The following UHRF2 variants were observed in gnomAD, a reference collection of about 807,000 sequenced individuals.
UHRF2 encodes E3 ubiquitin-protein ligase UHRF2.
In UHRF2, 23 loss-of-function variants were observed where a neutral mutation model predicts 96.8. The observed-to-expected ratio is 0.24, with a 90% confidence interval of 0.17 to 0.34. The LOEUF (loss-of-function observed/expected upper bound fraction) is 0.34. Among genes scored for constraint, UHRF2 ranks in the 10% least tolerant of loss-of-function variants. The pLI, the probability that UHRF2 is intolerant of heterozygous loss-of-function variation, is 1.00. For missense variants in UHRF2, 685 were observed against 981.5 expected, an observed-to-expected ratio of 0.70 and a Z score of 4.04; for synonymous variants, 385 against 332.6, an observed-to-expected ratio of 1.16 and a Z score of -1.72.
At chr9:6,489,111 C>T (rs1289575002) in intron 9 of UHRF2, among the ~76,000 whole-genome samples, 3 of 152,130 alleles carry the variant, frequency 2.0e-5, no homozygotes, top group African/African-American at 7.2e-5. Context: ...CTCCCAGCCT[C>T]ATTTCTTCCT....
chr9:6,446,226 C>G (rs1228592600), intron 3 of UHRF2, among the ~76,000 whole-genome samples: 1 of 151,832 alleles, frequency 6.6e-6, no homozygotes, highest in Non-Finnish European at 1.5e-5. Context: ...TCTTGCCTCA[C>G]TGCAACCTCC....
chr9:6,454,821 C>G (rs1238803202), intron 3 of UHRF2, among the ~76,000 whole-genome samples: 3 of 152,184 alleles, frequency 2.0e-5, no homozygotes, highest in African/African-American at 4.8e-5. Flanking sequence ...ATCATAAATA[C>G]TAATTCCTGT....
intron 1 of UHRF2, chr9:6,414,273 C>T (rs1022809008): frequency 5.3e-5 from 8 of 152,242 alleles, no homozygotes; most frequent in African/African-American, 1.9e-4. Flanking sequence ...GGTTAGAGAC[C>T]TGGGCATGAA....
intron 2 of UHRF2, among the ~76,000 whole-genome samples, chr9:6,424,281 A>T (rs1820110447): frequency 6.6e-6 from 1 of 152,216 alleles, no homozygotes; most frequent in South Asian, 2.1e-4. Flanking sequence ...TTAATGCGTG[A>T]ATTAGAACAG....
intron 6 of UHRF2, among the ~76,000 whole-genome samples, chr9:6,479,456 C>G (rs1008363696): frequency 1.1e-4 from 17 of 152,078 alleles, no homozygotes; most frequent in Admixed American, 6.5e-4. Context: ...TCAGAGCACC[C>G]CATCCACTCC....
intron 1 of UHRF2, chr9:6,414,088 C>T (rs977291942): frequency 1.3e-5 from 2 of 154,540 alleles, no homozygotes; most frequent in East Asian, 1.9e-4. Context: ...GCGGCTCTTC[C>T]GCGTCTTCGG....
intron 2 of UHRF2, among the ~76,000 whole-genome samples, chr9:6,432,822 C>G (rs1354033517): frequency 6.6e-6 from 1 of 151,380 alleles, no homozygotes; most frequent in Admixed American, 6.6e-5. Flanking sequence ...GGTTGTTGTC[C>G]TAAAAGGGCT....
At chr9:6,457,142 T>C (rs958532507) in intron 3 of UHRF2, among the ~76,000 whole-genome samples, 6 of 152,242 alleles carry the variant, frequency 3.9e-5, no homozygotes, top group African/African-American at 1.4e-4. Flanking sequence ...TCCATGAGCA[T>C]GGAATGTTGT....
At chr9:6,483,770 A>C (rs1035557533) in intron 8 of UHRF2, among the ~76,000 whole-genome samples, 4 of 151,388 alleles carry the variant, frequency 2.6e-5, no homozygotes, top group African/African-American at 4.9e-5. Context: ...GCTCACCACA[A>C]CCTCTACCTC....
At chr9:6,425,121 A>T (rs1301552153) in intron 2 of UHRF2, among the ~76,000 whole-genome samples, 1 of 152,198 alleles carries the variant, frequency 6.6e-6, no homozygotes, top group Non-Finnish European at 1.5e-5. Flanking sequence ...GTCACTGTAC[A>T]GTCCACACTT....
chr9:6,434,096 G>C lies in UHRF2; in HGVS notation c.567G>C (p.Leu189Phe). The change falls in exon 3 of 16, where the codon TTG (leucine) becomes TTC (phenylalanine). Residue 189 changes from leucine to phenylalanine, a missense_variant. By Grantham distance (22) the Leu-to-Phe change is conservative. Transcript: ENST00000276893. ...AATCCAAAGAGAACACAAATAAATT[G>C]GACAGTGTACCCTCTACGTCTAATT... ...KHKSKENTNK[L>F]DSVPSTSNSD... 6.2e-7 allele frequency: 1 copy of C among 1,613,988 alleles called. No individual in the cohort carries two copies. The highest frequency in any genetic ancestry group is 8.5e-7 in the Non-Finnish European group (1 of 1,179,982).
In UHRF2 at chr9:6,477,632, C is replaced by T; in HGVS notation, c.984C>T (p.Asp328=). The T allele has an allele frequency of 6.2e-7, 1 of 1,608,976 alleles. No homozygotes were observed. Among genetic ancestry groups the T allele is most frequent in the Middle Eastern group, 1.7e-4 (1 of 6,040 alleles). ...FADGKFLRRN[D]PECDLCGGDP... is the part of the protein sequence containing the mutation. ...TTTTGTTCTTAATAGGGCGAAATGA[C>T]CCTGAATGTGACCTGTGTGGTGGAG... The change falls in exon 6 of 16, where the codon GAC becomes GAT. Residue 328 remains aspartate (D), a synonymous_variant. Coordinates refer to ENST00000276893, the MANE Select transcript of UHRF2 (RefSeq NM_152896.3).
chr9:6,504,526 AGATGAATTTTATTAGCATATTAT>A (rs992620864), intron 14 of UHRF2, 44 bp from the exon 15 acceptor site: 10 of 1,006,458 alleles, frequency 9.9e-6, no homozygotes, highest in Non-Finnish European at 1.5e-5. Context: ...AATACACAGT[AGATGAATTTTATTAGCATATTAT>A]GAACTGCTAA....
At chr9:6,442,665 TTG>T (rs1044008828) in intron 3 of UHRF2, among the ~76,000 whole-genome samples, 4 of 150,316 alleles carry the variant, frequency 2.7e-5, no homozygotes, top group African/African-American at 9.9e-5. Flanking sequence ...TTTTTTTTTT[TTG>T]GGGGGGTAGA....
At chr9:6,476,607 TTG>T (rs1474115197) in intron 5 of UHRF2, among the ~76,000 whole-genome samples, 1 of 152,202 alleles carries the variant, frequency 6.6e-6, no homozygotes, top group Non-Finnish European at 1.5e-5. Context: ...TTTTTGTTTT[TTG>T]TTTTGAGACA....
At position 6,460,565 on chromosome 9, in the gene UHRF2, C is replaced by T; in HGVS notation, c.645-8C>T. ...AATCATAAGCCATATGGTTTTCTCT[C>T]TCCTCAGATACCCAGAAAGCGGTAC... On this transcript the variant is annotated splice_region_variant and splice_polypyrimidine_tract_variant and intron_variant, in intron 3 of 15. Coordinates refer to ENST00000276893, the MANE Select transcript of UHRF2 (RefSeq NM_152896.3). 6.3e-7 allele frequency: 1 copy of T among 1,589,880 alleles called. No individual in the cohort carries two copies. Among genetic ancestry groups the T allele is most frequent in the Non-Finnish European group, 8.6e-7 (1 of 1,165,158 alleles).
intron 3 of UHRF2, among the ~76,000 whole-genome samples, chr9:6,437,691 C>T (rs943309479): frequency 5.3e-5 from 8 of 152,112 alleles, no homozygotes; most frequent in Non-Finnish European, 1.0e-4. Flanking sequence ...GATCTCAGGT[C>T]ACTGCAACCT....
intron 1 of UHRF2, among the ~76,000 whole-genome samples, chr9:6,417,431 T>G (rs1035149946): frequency 6.6e-6 from 1 of 152,246 alleles, no homozygotes; most frequent in African/African-American, 2.4e-5. Flanking sequence ...AATGACCGCT[T>G]CCTTTTTTCC....
At chr9:6,455,716 T>C (rs1822136182) in intron 3 of UHRF2, among the ~76,000 whole-genome samples, 1 of 152,192 alleles carries the variant, frequency 6.6e-6, no homozygotes, top group Non-Finnish European at 1.5e-5. Flanking sequence ...TCAGCATGAT[T>C]GCTTATGCCT....
Sources: allele counts gnomAD v4.1 joint callset (sites outside exome capture counted in the v4.1 genomes callset), GRCh38; gene constraint gnomAD v4.1.1; transcripts MANE v1.5; gene names NCBI Gene and HGNC (gene_info 2026-07-23, HGNC 2026-07-21).